Variants in SH2D6 observed in about 807,000 individuals in gnomAD.
The protein encoded by SH2D6 is SH2 domain-containing protein 6.
SH2D6 carries 31 observed loss-of-function variants against 30.2 expected under a neutral mutation model. The ratio of observed to expected loss-of-function variants is 1.03; its 90% CI spans 0.77 to 1.38. The LOEUF is 1.38. Among genes scored for constraint, SH2D6 ranks in the 40% most tolerant of loss-of-function variants. The pLI is 0.00. For synonymous variants in SH2D6, 93 were observed against 104.6 expected (o/e 0.89, Z 0.68); for missense variants, 240 against 266.8 (o/e 0.90, Z 0.70).
intron 16 of SH2D6, 63 bp downstream of exon 16, chr2:85,433,694 C>A: frequency 9.4e-7 from 1 of 1,061,994 alleles, no homozygotes. Context: ...CACAGCACAA[C>A]ACACTCTCCT....
intron 20 of SH2D6, 54 bp from the exon 21 acceptor site, chr2:85,435,359 G>A (rs562498590): frequency 1.1e-5 from 17 of 1,577,410 alleles, no homozygotes; most frequent in South Asian, 3.4e-5. Context: ...CCTCGGCTCC[G>A]CATGCCTGAT....
In SH2D6 at chr2:85,436,557, G is replaced by A. The variant is rs76432883; in HGVS notation, c.983G>A (p.Cys328Tyr). 1,789 of 1,613,762 alleles carry A rather than the reference G, an allele frequency of 1.1e-3. 15 individuals are homozygous for A. The African/African-American group carries it at 0.022, about 20-fold the overall frequency. The part of the protein sequence containing the change: ...DRHSGSRELT[C>Y]LLFPTKP ...CACAGCGGCAGCCGGGAACTCACCT[G>A]CCTGCTCTTCCCCACCAAGCCTTGA... Residue 328 changes from cysteine to tyrosine, a missense_variant, in exon 23 of 24, where the codon TGC becomes TAC. Cys to Tyr is a radical substitution (Grantham distance 194, BLOSUM62 -2). Coordinates refer to ENST00000469800, the MANE Select transcript of SH2D6 (RefSeq NM_001394463.1).
chr2:85,425,930 G>A (rs1016604518), intron 6 of SH2D6, among the ~76,000 whole-genome samples: 16 of 152,310 alleles, frequency 1.1e-4, no homozygotes, highest in African/African-American at 3.6e-4. Flanking sequence ...CACCTCAGCG[G>A]CAAGGGGAGG....
At position 85,434,628 on chromosome 2, in the gene SH2D6, A is replaced by AAAAAAC. The variant is rs977052342; in HGVS notation, c.589+136_589+137insCAAAAA. 3.7e-5 allele frequency: 51 copies of AAAAAAC among 1,369,978 alleles called. No individual in the cohort carries two copies. The African/African-American group carries it at 7.2e-4, about 19-fold the overall frequency. The allele number at this position is 1,369,978 out of a possible 1,614,324, so 84.9% of individuals were successfully genotyped here. On this transcript the variant is annotated intron_variant, in intron 19 of 23. Transcript: ENST00000469800. ...CACTTGACTAGACTTAAAAAAAAAA[A>AAAAAAC]AAAAAAACTAGGTGAATGCAGGCAT... is the stretch of plus-strand genomic sequence containing the variant.
At position 85,430,972 on chromosome 2, in the gene SH2D6, C is replaced by G. The variant is rs1393663397; in HGVS notation, c.251-238C>G. On this transcript the variant is annotated intron_variant, in intron 12 of 23. Coordinates refer to ENST00000469800, the MANE Select transcript of SH2D6 (RefSeq NM_001394463.1). The surrounding 1 kb of genome is among the most constrained non-coding windows in gnomAD (Gnocchi z 4.3). ...CTTCTTCAGGCCAAGGGCGGGGGTGCTGGGAGAGCCCCGGCTGCCGCTGGC... is the reference window on the plus strand; with the variant it reads ...CTTCTTCAGGCCAAGGGCGGGGGTGGTGGGAGAGCCCCGGCTGCCGCTGGC... Among the ~76,000 whole-genome samples the G allele has an allele frequency of 1.3e-5, 2 of 152,138 alleles. No homozygotes were observed. The highest frequency in any genetic ancestry group is 2.9e-5 in the Non-Finnish European group (2 of 67,996).
chr2:85,421,180 T>G (rs1573202563), intron 2 of SH2D6, among the ~76,000 whole-genome samples: 2 of 149,688 alleles, frequency 1.3e-5, no homozygotes, highest in East Asian at 2.0e-4. Flanking sequence ...GGAGGGAGAG[T>G]GTAGGGGAGG....
At chr2:85,436,134 A>ACC (rs1689427895) in intron 22 of SH2D6, among the ~76,000 whole-genome samples, 1 of 152,088 alleles carries the variant, frequency 6.6e-6, no homozygotes, top group Admixed American at 6.5e-5. Context: ...TCAATGTCGC[A>ACC]CCCAGCATTT....
chr2:85,432,961 C>T (rs932645298), intron 14 of SH2D6, 138 bp from the exon 15 acceptor site: 2 of 647,378 alleles, frequency 3.1e-6, no homozygotes, highest in African/African-American at 2.0e-5. Flanking sequence ...AAGCTTTCTC[C>T]TGGGGCTTCA....
At chr2:85,424,361 A>G (rs1687883104) in intron 5 of SH2D6, among the ~76,000 whole-genome samples, 1 of 151,290 alleles carries the variant, frequency 6.6e-6, no homozygotes, top group African/African-American at 2.4e-5. Flanking sequence ...GTGCTTCCTT[A>G]TATTTGAAGT....
At chr2:85,420,525 C>G (rs192244364) in intron 2 of SH2D6, among the ~76,000 whole-genome samples, 9 of 152,344 alleles carry the variant, frequency 5.9e-5, no homozygotes, top group Admixed American at 5.2e-4. Flanking sequence ...TTGGGACATG[C>G]AGTGTGCCAA....
rs1434839496 is a variant in SH2D6 at position 85,422,499 on chromosome 2, G to C, written c.-404+9G>C. 1 of 152,338 alleles carries C rather than the reference G, an allele frequency of 6.6e-6. No homozygotes were observed. The highest frequency in any genetic ancestry group is 1.5e-5 in the Non-Finnish European group (1 of 68,092). The allele number at this position is 152,338 out of a possible 1,614,324, so 9.4% of individuals were successfully genotyped here. ...AGGAGCAGAGAGAGAAGGTGAGTGT[G>C]AGGGAGTCCCTGGGAAACAATGGAG... On this transcript the variant is annotated intron_variant, in intron 4 of 23. Coordinates refer to ENST00000469800, the MANE Select transcript of SH2D6 (RefSeq NM_001394463.1).
At chr2:85,422,982 G>A (rs570638263) in intron 5 of SH2D6, among the ~76,000 whole-genome samples, 1 of 152,248 alleles carries the variant, frequency 6.6e-6, no homozygotes, top group South Asian at 2.1e-4. Context: ...GCACCTCCTA[G>A]GTTCAAGCAG....
rs377321538 is a variant in SH2D6 at position 85,431,212 on chromosome 2, C to A, written c.253C>A (p.His85Asn). The A allele has an allele frequency of 5.2e-5, 8 of 152,788 alleles. No homozygotes were observed. Among genetic ancestry groups the A allele is most frequent in the African/African-American group, 1.9e-4 (8 of 41,584 alleles). The allele number at this position is 152,788 out of a possible 1,614,324, so 9.5% of individuals were successfully genotyped here. A position where few individuals can be genotyped will look rare whatever the true frequency, so the allele number is the denominator to read the frequency against. Residue 85 changes from histidine to asparagine, a missense_variant and splice_region_variant, in exon 13 of 24, where the codon CAC becomes AAC. Physicochemically the swap from His to Asn is moderately conservative, Grantham distance 68. Coordinates refer to ENST00000469800, the MANE Select transcript of SH2D6 (RefSeq NM_001394463.1). ...ACAACAAATGCGATCTTTTCCAGAT[C>A]ACTCTGGCCCCCTGGGTCCATCAAA... ...GTEEDSLYLDHSGPLGPSKPS... is the reference protein window; with the variant it reads ...GTEEDSLYLDNSGPLGPSKPS...
At chr2:85,424,740 G>A (rs541357781) in intron 5 of SH2D6, among the ~76,000 whole-genome samples, 2 of 152,220 alleles carry the variant, frequency 1.3e-5, no homozygotes, top group South Asian at 4.1e-4. Flanking sequence ...CTGCACTCTA[G>A]CCTGGGTGAC....
In SH2D6 at chr2:85,434,111, G is replaced by A; in HGVS notation, c.533G>A (p.Arg178Lys). Residue 178 changes from arginine to lysine, a missense_variant and splice_region_variant, in exon 17 of 24, where the codon AGG becomes AAG. Coordinates refer to ENST00000469800, the MANE Select transcript of SH2D6 (RefSeq NM_001394463.1). ...GPLPRTSVVP[R>K]PTTAPQETRN... ...CTGCCCAGGACATCAGTGGTGCCCA[G>A]GTAAGTGCCCCACCAGGTGTGCACC... The A allele has an allele frequency of 6.4e-7, 1 of 1,550,458 alleles. No homozygotes were observed. The highest frequency in any genetic ancestry group is 8.7e-7 in the Non-Finnish European group (1 of 1,146,900).
chr2:85,433,592 C>A lies in SH2D6; in HGVS notation c.415C>A (p.Pro139Thr), dbSNP rs895330774. 1.1e-5 allele frequency: 11 copies of A among 1,001,376 alleles called. No individual in the cohort carries two copies. The highest frequency in any genetic ancestry group is 1.3e-5 in the Non-Finnish European group (11 of 839,904). The allele number at this position is 1,001,376 out of a possible 1,614,324, so 62.0% of individuals were successfully genotyped here. A position where few individuals can be genotyped will look rare whatever the true frequency, so the allele number is the denominator to read the frequency against. ...SRVVPGPPKK[P>T]DEDLYLECEP... The stretch of plus-strand genomic sequence containing the variant: ...TTAGGTGCCAGGCCCTCCAAAGAAA[C>A]CTGATGAGGACCTCTACTTGGAATG... Residue 139 changes from proline (P) to threonine (T), a missense_variant, in exon 16 of 24, where the codon CCT becomes ACT. Coordinates refer to ENST00000469800, the MANE Select transcript of SH2D6 (RefSeq NM_001394463.1).
Position 85,433,624 on chromosome 2 carries a change from G to A in SH2D6, c.447G>A (p.Pro149=), listed in dbSNP as rs1049721492. 9.8e-6 allele frequency: 10 copies of A among 1,015,650 alleles called. No homozygotes were observed. The highest frequency in any genetic ancestry group is 5.4e-5 in the Admixed American group (1 of 18,356). 62.9% of individuals were successfully genotyped at this position (1,015,650 alleles called of 1,614,324 possible). Residue 149 remains proline, a synonymous_variant, in exon 16 of 24, where the codon CCG becomes CCA. Coordinates refer to ENST00000469800, the MANE Select transcript of SH2D6 (RefSeq NM_001394463.1). ...PDEDLYLECE[P]DPVLALTQTL... is the part of the protein sequence containing the mutation. The stretch of plus-strand genomic sequence containing the variant: ...AGGACCTCTACTTGGAATGTGAGCC[G>A]GATCCAGGTGAGCCCCTCCCTCAGC...
At position 85,420,092 on chromosome 2, in the gene SH2D6, TTTTGTTTG is replaced by T. The variant is rs141668785; in HGVS notation, c.-577+868_-577+875del. ...GACTCTTTAATAAGAGCCCGTTCTGTTTTGTTTGTTTGTTTGTTTGTTTGTTTCCTGAG... is the reference window on the plus strand; with the variant it reads ...GACTCTTTAATAAGAGCCCGTTCTGTTTTGTTTGTTTGTTTGTTTCCTGAG... On this transcript the variant is annotated intron_variant, in intron 2 of 23. Transcript: ENST00000469800. Among the ~76,000 whole-genome samples the T allele has an allele frequency of 3.9e-3, 588 of 151,824 alleles. 4 individuals carry two copies. The highest frequency in any genetic ancestry group is 0.02 in the Middle Eastern group (6 of 294).
chr2:85,433,715 G>A (rs2104936798), intron 16 of SH2D6, 84 bp downstream of exon 16: 2 of 1,023,614 alleles, frequency 2.0e-6, no homozygotes, highest in South Asian at 2.5e-5. Context: ...GGCTCCATCT[G>A]CTTCCCTTGC....
Sources: allele counts gnomAD v4.1 joint callset (sites outside exome capture counted in the v4.1 genomes callset), GRCh38; gene constraint gnomAD v4.1.1; non-coding constraint Gnocchi (gnomAD v3.1); transcripts MANE v1.5; gene names NCBI Gene and HGNC (gene_info 2026-07-23, HGNC 2026-07-21).